BCAS3: variants seen among roughly 807,000 people sequenced by gnomAD.
BCAS3 encodes BCAS3 microtubule associated cell migration factor.
A neutral mutation model predicts 116.1 loss-of-function variants in BCAS3; 53 were observed. The ratio of observed to expected loss-of-function variants is 0.46; its 90% CI spans 0.37 to 0.57. BCAS3 has a LOEUF of 0.57. Ranked by LOEUF, BCAS3 falls within the 20% of genes least tolerant of loss-of-function variation. The probability of loss-of-function intolerance (pLI) is 0.00; values close to 1 mark genes in which losing one functional copy is unlikely to be tolerated. For synonymous variants in BCAS3, 391 were observed against 408.2 expected, an observed-to-expected ratio of 0.96 and a Z score of 0.51; for missense variants, 917 against 1,165.4, an observed-to-expected ratio of 0.79 and a Z score of 3.10.
intron 19 of BCAS3, among the ~76,000 whole-genome samples, chr17:61,045,311 C>T (rs1401501121): frequency 6.6e-6 from 1 of 151,298 alleles, no homozygotes; most frequent in Admixed American, 6.6e-5. Context: ...AAGTTCAAGA[C>T]CATCCTGGGC....
chr17:61,230,034 A>G (rs2144426215), intron 22 of BCAS3, among the ~76,000 whole-genome samples: 2 of 152,212 alleles, frequency 1.3e-5, no homozygotes, highest in South Asian at 4.1e-4. Context: ...CTGAGCCAGG[A>G]GAATTGGTTG....
chr17:61,329,144 C>T (rs2055998412), intron 22 of BCAS3, among the ~76,000 whole-genome samples: 1 of 151,568 alleles, frequency 6.6e-6, no homozygotes. Context: ...GATCAGCCCG[C>T]CTCGGCCTCC....
intron 5 of BCAS3, among the ~76,000 whole-genome samples, chr17:60,716,961 G>A (rs549669697): frequency 6.6e-6 from 1 of 152,212 alleles, no homozygotes; most frequent in East Asian, 1.9e-4. Flanking sequence ...TTCTCTTTGT[G>A]GAATTTCCAT....
Position 61,315,812 on chromosome 17 carries a change from C to A in BCAS3, c.2426-52515C>A, listed in dbSNP as rs1368716347. ...CTGCCTCCACATGCCGCTGCGTCCC[C>A]TCCACGGCTCCCCTGCAGTAGCACA... is the stretch of plus-strand genomic sequence containing the variant. On this transcript the variant is annotated intron_variant, in intron 22 of 23. Coordinates refer to ENST00000407086, the MANE Select transcript of BCAS3 (RefSeq NM_017679.5). This position sits in a 1 kb window ranked among gnomAD's most constrained non-coding sequence, Gnocchi z 5.3. Among the ~76,000 whole-genome samples the A allele has an allele frequency of 6.6e-6, 1 of 151,914 alleles. No homozygotes were observed. The highest frequency in any genetic ancestry group is 1.5e-5 in the Non-Finnish European group (1 of 67,944).
At chr17:60,741,768 A>G (rs2041570052) in intron 5 of BCAS3, among the ~76,000 whole-genome samples, 1 of 152,210 alleles carries the variant, frequency 6.6e-6, no homozygotes, top group South Asian at 2.1e-4. Flanking sequence ...GTGGAAGTGT[A>G]AATTGGTACA....
intron 6 of BCAS3, among the ~76,000 whole-genome samples, chr17:60,803,796 A>T (rs1201256036): frequency 2.0e-4 from 18 of 89,332 alleles, no homozygotes; most frequent in South Asian, 4.1e-4. Flanking sequence ...AACTATTACG[A>T]TTTTTTTTTT....
rs1047545353 is a variant in BCAS3, at chr17:61,139,865, C to G, written c.2425+55301C>G. Among the ~76,000 whole-genome samples the G allele has an allele frequency of 1.3e-5, 2 of 151,980 alleles. No homozygotes were observed. The highest frequency in any genetic ancestry group is 4.2e-4 in the South Asian group (2 of 4,814). ...AGAGAAAGTTTTATGGAAAAAATGCCGTTTGAGCTAGAATTTGAGGAATAC... is the reference window on the plus strand; with the variant it reads ...AGAGAAAGTTTTATGGAAAAAATGCGGTTTGAGCTAGAATTTGAGGAATAC... On this transcript the variant is annotated intron_variant, in intron 22 of 23. Transcript: ENST00000407086. This position sits in a 1 kb window ranked among gnomAD's most constrained non-coding sequence, Gnocchi z 4.7.
intron 22 of BCAS3, among the ~76,000 whole-genome samples, chr17:61,250,398 A>G (rs577182223): frequency 1.3e-5 from 2 of 152,304 alleles, no homozygotes; most frequent in East Asian, 1.9e-4. Flanking sequence ...TTTTCAATAT[A>G]TTGTACGAGA....
chr17:61,014,270 G>A (rs1671324730), intron 15 of BCAS3, among the ~76,000 whole-genome samples: 4 of 152,042 alleles, frequency 2.6e-5, no homozygotes, highest in Admixed American at 2.6e-4. Context: ...CCGTAACACA[G>A]AAAATGAGGT....
intron 5 of BCAS3, among the ~76,000 whole-genome samples, chr17:60,735,608 C>T (rs886163997): frequency 2.0e-5 from 3 of 152,024 alleles, no homozygotes; most frequent in Admixed American, 2.0e-4. Flanking sequence ...TGCATGCCAC[C>T]ATGCAGCACT....
chr17:60,701,817 A>AAAAGAAAAG (rs1300777256), intron 4 of BCAS3, among the ~76,000 whole-genome samples: 9 of 149,236 alleles, frequency 6.0e-5, no homozygotes, highest in African/African-American at 2.3e-4. Context: ...AAAAAAAAAA[A>AAAAGAAAAG]AAAAGAAAAA....
At chr17:61,164,009 A>AC (rs1322650306) in intron 22 of BCAS3, among the ~76,000 whole-genome samples, 1 of 123,522 alleles carries the variant, frequency 8.1e-6, no homozygotes, top group Non-Finnish European at 1.6e-5. Flanking sequence ...AAAAAAAAAA[A>AC]CCAAAAAAAA....
At chr17:61,060,277 C>T (rs1293000418) in intron 19 of BCAS3, among the ~76,000 whole-genome samples, 2 of 151,614 alleles carry the variant, frequency 1.3e-5, no homozygotes, top group Non-Finnish European at 2.9e-5. Context: ...CAGGCGCCCA[C>T]CACCACACCC....
chr17:60,805,535 A>G (rs1425335129), intron 6 of BCAS3, among the ~76,000 whole-genome samples: 14 of 152,162 alleles, frequency 9.2e-5, no homozygotes, highest in Admixed American at 9.2e-4. Flanking sequence ...ATGAAGACTT[A>G]AGGAAGTGGC....
chr17:61,348,162 G>A lies in BCAS3; in HGVS notation c.2426-20165G>A, dbSNP rs939082955. On this transcript the variant is annotated intron_variant, in intron 22 of 23. Coordinates refer to ENST00000407086, the MANE Select transcript of BCAS3 (RefSeq NM_017679.5). The surrounding 1 kb of genome is among the most constrained non-coding windows in gnomAD (Gnocchi z 4.5). The stretch of plus-strand genomic sequence containing the variant: ...AGGAAAGTAGGAGACAAATTCAAGA[G>A]GGCTTGGGAAGTAAAATCCACAGGA... Among the ~76,000 whole-genome samples, 1 of 152,190 alleles carries A rather than the reference G, an allele frequency of 6.6e-6. No homozygotes were observed. The highest frequency in any genetic ancestry group is 2.4e-5 in the African/African-American group (1 of 41,440).
intron 6 of BCAS3, among the ~76,000 whole-genome samples, chr17:60,794,015 T>C (rs2047000270): frequency 1.3e-5 from 2 of 152,198 alleles, no homozygotes; most frequent in Admixed American, 1.3e-4. Flanking sequence ...CTAGTTTACA[T>C]TCCCACCAGC....
rs749825298 is a variant in BCAS3 at position 61,037,787 on chromosome 17, G to A, written c.1763-102G>A. ...ATTCCTGTCTTTTCATTTTCTCTGAGCAGCCTCAGGAGCAGACTAATAAGA... is the reference window on the plus strand; with the variant it reads ...ATTCCTGTCTTTTCATTTTCTCTGAACAGCCTCAGGAGCAGACTAATAAGA... On this transcript the variant is annotated intron_variant, in intron 17 of 23. Coordinates refer to ENST00000407086, the MANE Select transcript of BCAS3 (RefSeq NM_017679.5). This position sits in a 1 kb window ranked among gnomAD's most constrained non-coding sequence, Gnocchi z 4.7. The A allele has an allele frequency of 1.0e-4, 108 of 1,058,346 alleles. No homozygotes were observed. The highest frequency in any genetic ancestry group is 1.3e-4 in the Non-Finnish European group (102 of 763,744). The allele number at this position is 1,058,346 out of a possible 1,614,324, so 65.6% of individuals were successfully genotyped here. A position where few individuals can be genotyped will look rare whatever the true frequency, so the allele number is the denominator to read the frequency against.
At chr17:61,048,474 T>C (rs983363371) in intron 19 of BCAS3, among the ~76,000 whole-genome samples, 1 of 151,946 alleles carries the variant, frequency 6.6e-6, no homozygotes, top group African/African-American at 2.4e-5. Flanking sequence ...ACTCCCTCAG[T>C]TGAGGAGACA....
At chr17:60,973,718 G>C (rs1401310859) in intron 14 of BCAS3, among the ~76,000 whole-genome samples, 1 of 151,544 alleles carries the variant, frequency 6.6e-6, no homozygotes, top group African/African-American at 2.4e-5. Flanking sequence ...TCAGCCTCCT[G>C]AGTGGCTGGG....
Sources: allele counts gnomAD v4.1 joint callset (sites outside exome capture counted in the v4.1 genomes callset), GRCh38; gene constraint gnomAD v4.1.1; non-coding constraint Gnocchi (gnomAD v3.1); transcripts MANE v1.5; gene names NCBI Gene and HGNC (gene_info 2026-07-23, HGNC 2026-07-21).